ADAMTS3: variants seen among roughly 807,000 people sequenced by gnomAD.
The protein encoded by ADAMTS3 is ADAM metallopeptidase with thrombospondin type 1 motif 3, also known as A disintegrin and metalloproteinase with thrombospondin motifs 3.
Under a neutral mutation model 129.0 loss-of-function variants are expected in ADAMTS3, and 73 were observed. The ratio of observed to expected loss-of-function variants is 0.57; its 90% CI spans 0.47 to 0.69. ADAMTS3 has a LOEUF of 0.69. Among genes scored for constraint, ADAMTS3 ranks in the 30% least tolerant of loss-of-function variants. The pLI, the probability that ADAMTS3 is intolerant of heterozygous loss-of-function variation, is 0.00. For missense variants in ADAMTS3, 1,457 were observed against 1,514.5 expected, an observed-to-expected ratio of 0.96 and a Z score of 0.63; for synonymous variants, 477 against 510.8, an observed-to-expected ratio of 0.93 and a Z score of 0.89.
intron 3 of ADAMTS3, among the ~76,000 whole-genome samples, chr4:72,526,454 G>A (rs973930354): frequency 1.7e-4 from 26 of 151,348 alleles, no homozygotes; most frequent in African/African-American, 6.1e-4. Context: ...TTGTTAAATT[G>A]CCTGATTGCA....
chr4:72,485,704 A>C (rs1719572403), intron 3 of ADAMTS3, among the ~76,000 whole-genome samples: 2 of 152,170 alleles, frequency 1.3e-5, no homozygotes, highest in African/African-American at 4.8e-5. Context: ...TGCCTTCTAA[A>C]TATAACAACT....
chr4:72,327,300 T>TAATAATTCTA (rs1327297152), intron 5 of ADAMTS3, among the ~76,000 whole-genome samples: 1 of 152,136 alleles, frequency 6.6e-6, no homozygotes, highest in Non-Finnish European at 1.5e-5. Context: ...AGGAAATTCT[T>TAATAATTCTA]AATAATTCTA....
At chr4:72,314,876 A>G (rs575113358) in intron 11 of ADAMTS3, among the ~76,000 whole-genome samples, 5 of 152,324 alleles carry the variant, frequency 3.3e-5, no homozygotes, top group African/African-American at 1.2e-4. Flanking sequence ...AGTAAATGCC[A>G]TATAAATCTT....
rs1011028541 is a variant in ADAMTS3 at position 72,455,278 on chromosome 4, T to C, written c.505-40307A>G. Among the ~76,000 whole-genome samples the C allele has an allele frequency of 6.6e-5, 10 of 151,736 alleles. No homozygotes were observed. The East Asian group carries it at 2.0e-3, about 30-fold the overall frequency. ...AGAAAATGTGGCACATATAACACCA[T>C]GAAATACAATGCAGCCATAAAAAAG... On this transcript the variant is annotated intron_variant, in intron 3 of 21. Transcript: ENST00000286657.
intron 3 of ADAMTS3, among the ~76,000 whole-genome samples, chr4:72,416,606 A>G (rs1722311719): frequency 6.6e-6 from 1 of 152,076 alleles, no homozygotes; most frequent in African/African-American, 2.4e-5. Context: ...TATCTGACTA[A>G]TTACTTTATA....
At chr4:72,384,300 C>CA (rs1425068181) in intron 4 of ADAMTS3, among the ~76,000 whole-genome samples, 2 of 152,204 alleles carry the variant, frequency 1.3e-5, no homozygotes, top group East Asian at 3.9e-4. Flanking sequence ...CATATATTTA[C>CA]AAATTCAAAA....
At chr4:72,533,886 G>A (rs1271025975) in intron 3 of ADAMTS3, among the ~76,000 whole-genome samples, 4 of 152,112 alleles carry the variant, frequency 2.6e-5, no homozygotes, top group Non-Finnish European at 5.9e-5. Flanking sequence ...CTCAGCATTT[G>A]AAATAGTAAA....
At chr4:72,396,749 G>C (rs1437504685) in intron 4 of ADAMTS3, among the ~76,000 whole-genome samples, 1 of 152,014 alleles carries the variant, frequency 6.6e-6, no homozygotes, top group East Asian at 1.9e-4. Flanking sequence ...TCTGCTTTCT[G>C]GATTTACAAA....
intron 3 of ADAMTS3, among the ~76,000 whole-genome samples, chr4:72,427,029 T>A (rs889498010): frequency 6.6e-6 from 1 of 152,170 alleles, no homozygotes; most frequent in African/African-American, 2.4e-5. Context: ...ATTGCTGCCA[T>A]AACAAATTGC....
chr4:72,561,123 C>T (rs939097742), intron 2 of ADAMTS3, among the ~76,000 whole-genome samples: 3 of 151,920 alleles, frequency 2.0e-5, no homozygotes, highest in African/African-American at 4.8e-5. Flanking sequence ...GAAGCTGAGG[C>T]GGGTGGATCA....
chr4:72,287,032 C>T (rs113527553), intron 21 of ADAMTS3, among the ~76,000 whole-genome samples: 94 of 152,102 alleles, frequency 6.2e-4, no homozygotes, highest in Non-Finnish European at 1.0e-3. Flanking sequence ...CTAATCCTCA[C>T]GGCAATGGTA....
chr4:72,447,725 A>G (rs1305168437), intron 3 of ADAMTS3, among the ~76,000 whole-genome samples: 1 of 151,760 alleles, frequency 6.6e-6, no homozygotes, highest in East Asian at 2.0e-4. Context: ...AGATTACTAA[A>G]CATAAAGAAG....
At chr4:72,336,149 A>G (rs1719982407) in intron 5 of ADAMTS3, among the ~76,000 whole-genome samples, 1 of 152,186 alleles carries the variant, frequency 6.6e-6, no homozygotes. Context: ...GCAGTCAACC[A>G]AGGCAAAGTT....
In ADAMTS3 at chr4:72,316,048, T is replaced by C. The variant is rs1255900482; in HGVS notation, c.1486-77A>G. 9.1e-6 allele frequency: 7 copies of C among 770,312 alleles called. No homozygotes were observed. In the Admixed American group the frequency reaches 1.2e-4, roughly 13 times the overall value. 47.7% of individuals were successfully genotyped at this position (770,312 alleles called of 1,614,324 possible). ...CACCAAAAATATATTCTATACAGTT[T>C]CTTCTGTCCTGTTTCTTGGATGTGT... On this transcript the variant is annotated intron_variant, in intron 10 of 21. Transcript: ENST00000286657.
intron 2 of ADAMTS3, among the ~76,000 whole-genome samples, chr4:72,552,420 T>G (rs1412255897): frequency 1.3e-5 from 2 of 152,152 alleles, no homozygotes; most frequent in African/African-American, 4.8e-5. Flanking sequence ...ACTTTAAAGT[T>G]AGAAACTATA....
At chr4:72,501,298 T>C (rs1437460014) in intron 3 of ADAMTS3, among the ~76,000 whole-genome samples, 1 of 152,134 alleles carries the variant, frequency 6.6e-6, no homozygotes, top group East Asian at 1.9e-4. Context: ...TTCAGCAGTA[T>C]TTGATTGTTG....
At chr4:72,432,347 T>G (rs1184761404) in intron 3 of ADAMTS3, among the ~76,000 whole-genome samples, 1 of 151,892 alleles carries the variant, frequency 6.6e-6, no homozygotes, top group Non-Finnish European at 1.5e-5. Context: ...GTGTTCACAG[T>G]ACCGGTATCT....
At chr4:72,364,912 C>G (rs1720831368) in intron 4 of ADAMTS3, among the ~76,000 whole-genome samples, 1 of 152,116 alleles carries the variant, frequency 6.6e-6, no homozygotes, top group African/African-American at 2.4e-5. Context: ...AAATATAGCA[C>G]TATATAAGTA....
chr4:72,347,403 T>G (rs920315116), intron 4 of ADAMTS3, among the ~76,000 whole-genome samples: 2 of 151,910 alleles, frequency 1.3e-5, no homozygotes, highest in African/African-American at 4.8e-5. Flanking sequence ...TCATCAATAG[T>G]CTTCATTTTC....
Sources: gnomAD v4.1 joint callset for allele counts (sites outside exome capture counted in the v4.1 genomes callset) on GRCh38, gnomAD v4.1.1 for gene constraint, MANE v1.5 for transcripts, NCBI Gene and HGNC (gene_info 2026-07-23, HGNC 2026-07-21) for gene names.